LRRC7: variants seen among roughly 807,000 people sequenced by gnomAD.
LRRC7 encodes the protein leucine-rich repeat-containing protein 7.
Under a neutral mutation model 175.7 loss-of-function variants are expected in LRRC7, and 23 were observed. The ratio of observed to expected loss-of-function variants is 0.13; its 90% CI spans 0.09 to 0.19. The LOEUF is 0.19. Among genes scored for constraint, LRRC7 ranks in the 10% least tolerant of loss-of-function variants. The probability of loss-of-function intolerance (pLI) is 1.00; values close to 1 mark genes in which losing one functional copy is unlikely to be tolerated. For missense variants in LRRC7, 1,354 were observed against 1,904.7 expected, an observed-to-expected ratio of 0.71 and a Z score of 5.38; for synonymous variants, 685 against 680.9, an observed-to-expected ratio of 1.01 and a Z score of -0.09.
At chr1:69,614,467 A>G (rs531674313) in intron 1 of LRRC7, among the ~76,000 whole-genome samples, 2 of 152,072 alleles carry the variant, frequency 1.3e-5, no homozygotes, top group South Asian at 2.1e-4. Flanking sequence ...ACTGAATGCA[A>G]ATCAGCTGGG....
At chr1:69,658,210 A>G (rs889488664) in intron 1 of LRRC7, among the ~76,000 whole-genome samples, 5 of 151,926 alleles carry the variant, frequency 3.3e-5, no homozygotes, top group Non-Finnish European at 5.9e-5. Context: ...TGGCATTTCT[A>G]AGCTCCATTA....
At chr1:69,700,667 A>C (rs1570415691) in intron 2 of LRRC7, among the ~76,000 whole-genome samples, 1 of 152,340 alleles carries the variant, frequency 6.6e-6, no homozygotes, top group East Asian at 1.9e-4. Context: ...AGTCAAGCCA[A>C]GGGGGAAGAG....
Position 69,863,436 on chromosome 1 carries a change from T to C in LRRC7, c.647+25153T>C, listed in dbSNP as rs573910818. Among the ~76,000 whole-genome samples the C allele has an allele frequency of 3.9e-5, 6 of 152,346 alleles. No individual in the cohort carries two copies. In the South Asian group the frequency reaches 8.3e-4, roughly 21 times the overall value. On this transcript the variant is annotated intron_variant, in intron 7 of 26. Coordinates refer to ENST00000651989, the MANE Select transcript of LRRC7 (RefSeq NM_001370785.2). ...CCTAGCTTGTTTATCTCTGTATCCT[T>C]ATTGCCTAGTATTCTGCCCAGTGCA...
chr1:69,591,713 TG>T (rs1310783185), intron 1 of LRRC7, among the ~76,000 whole-genome samples: 1 of 152,010 alleles, frequency 6.6e-6, no homozygotes, highest in Non-Finnish European at 1.5e-5. Context: ...GATGATCAGG[TG>T]AGTACTTACC....
At position 70,038,619 on chromosome 1, in the gene LRRC7, G is replaced by T; in HGVS notation, c.2795G>T (p.Trp932Leu). ...IPSPFSPGVP[W>L]EYHDSNPNRS... is the part of the protein sequence containing the mutation. ...AGTCCTTTTTCTCCAGGCGTACCATGGGAGTATCATGATTCCAATCCCAAC... is the reference window on the plus strand; with the variant it reads ...AGTCCTTTTTCTCCAGGCGTACCATTGGAGTATCATGATTCCAATCCCAAC... The change falls in exon 21 of 27, where the codon TGG becomes TTG. Residue 932 changes from tryptophan (W) to leucine (L), a missense_variant. Physicochemically the swap from Trp to Leu is moderately conservative, Grantham distance 61 (BLOSUM62 -2). Transcript: ENST00000651989. The T allele has an allele frequency of 6.2e-7, 1 of 1,614,102 alleles. No individual in the cohort carries two copies. The highest frequency in any genetic ancestry group is 8.5e-7 in the Non-Finnish European group (1 of 1,179,998).
intron 23 of LRRC7, among the ~76,000 whole-genome samples, chr1:70,062,856 G>A (rs1661688432): frequency 6.6e-6 from 1 of 151,400 alleles, no homozygotes; most frequent in African/African-American, 2.4e-5. Context: ...TATTTCTATT[G>A]TTATTAGATT....
chr1:70,046,380 C>T (rs559746639), intron 22 of LRRC7, among the ~76,000 whole-genome samples: 16 of 152,100 alleles, frequency 1.1e-4, no homozygotes, highest in Non-Finnish European at 1.2e-4. Context: ...TTTCAATAGT[C>T]CTCAGTTGAG....
At chr1:69,922,551 T>C (rs1399764432) in intron 7 of LRRC7, among the ~76,000 whole-genome samples, 1 of 152,150 alleles carries the variant, frequency 6.6e-6, no homozygotes, top group Admixed American at 6.5e-5. Flanking sequence ...ACCTTAAACT[T>C]GGGAGAAAAT....
rs1380455195 is a variant in LRRC7 at position 70,132,045 on chromosome 1, A to C, written c.*10158A>C. On this transcript the variant is annotated 3_prime_UTR_variant, in exon 27 of 27. Coordinates refer to ENST00000651989, the MANE Select transcript of LRRC7 (RefSeq NM_001370785.2). ...AAGGAAGAAAGAATGAGAAAGACAAAAGAAGGGCAATAGAGGACTGATACA... is the reference window on the plus strand; with the variant it reads ...AAGGAAGAAAGAATGAGAAAGACAACAGAAGGGCAATAGAGGACTGATACA... Among the ~76,000 whole-genome samples, 1 of 152,098 alleles carries C rather than the reference A, an allele frequency of 6.6e-6. No homozygotes were observed. The highest frequency in any genetic ancestry group is 6.5e-5 in the Admixed American group (1 of 15,274).
intron 4 of LRRC7, among the ~76,000 whole-genome samples, chr1:69,796,762 C>A (rs554793787): frequency 3.3e-4 from 50 of 152,024 alleles, no homozygotes; most frequent in South Asian, 8.3e-4. Context: ...CCATTGCACT[C>A]CAGCCTGGGC....
chr1:69,954,523 A>T (rs894870520), intron 8 of LRRC7, among the ~76,000 whole-genome samples: 3 of 152,196 alleles, frequency 2.0e-5, no homozygotes, highest in African/African-American at 4.8e-5. Flanking sequence ...TTGCCCAAGC[A>T]TCTGTTCACA....
At chr1:69,595,425 CAAAA>C (rs1183819620) in intron 1 of LRRC7, among the ~76,000 whole-genome samples, 4 of 152,010 alleles carry the variant, frequency 2.6e-5, no homozygotes, top group Non-Finnish European at 5.9e-5. Flanking sequence ...AAAAAACAAA[CAAAA>C]AACAAACAAA....
chr1:69,967,775 A>G (rs1051608972), intron 8 of LRRC7, among the ~76,000 whole-genome samples: 11 of 152,072 alleles, frequency 7.2e-5, no homozygotes, highest in Admixed American at 7.2e-4. Context: ...TCAAGGAAAC[A>G]CCCATGGGTA....
chr1:69,929,234 T>C (rs936847203), intron 7 of LRRC7, among the ~76,000 whole-genome samples: 2 of 152,232 alleles, frequency 1.3e-5, no homozygotes, highest in African/African-American at 4.8e-5. Flanking sequence ...AAGCCATCTC[T>C]ATGCTACCAT....
chr1:69,584,754 G>C (rs1376331702), intron 1 of LRRC7, among the ~76,000 whole-genome samples: 1 of 152,016 alleles, frequency 6.6e-6, no homozygotes, highest in African/African-American at 2.4e-5. Flanking sequence ...TTCTTATGAG[G>C]CATAGGAAAA....
chr1:69,669,588 C>T (rs1338108655), intron 1 of LRRC7, among the ~76,000 whole-genome samples: 1 of 152,114 alleles, frequency 6.6e-6, no homozygotes, highest in African/African-American at 2.4e-5. Context: ...TTCTAACCTT[C>T]TCATACTTGG....
At chr1:69,938,815 C>A (rs1467475771) in intron 8 of LRRC7, among the ~76,000 whole-genome samples, 1 of 151,550 alleles carries the variant, frequency 6.6e-6, no homozygotes, top group African/African-American at 2.4e-5. Flanking sequence ...AGGTTTGCCA[C>A]ACCTACTAAT....
At chr1:69,942,136 T>C (rs1182557392) in intron 8 of LRRC7, among the ~76,000 whole-genome samples, 1 of 152,126 alleles carries the variant, frequency 6.6e-6, no homozygotes, top group African/African-American at 2.4e-5. Flanking sequence ...CAGTGGGCAG[T>C]AGGAGGATTT....
intron 1 of LRRC7, among the ~76,000 whole-genome samples, chr1:69,660,326 G>A (rs138605265): frequency 6.6e-6 from 1 of 152,120 alleles, no homozygotes; most frequent in Non-Finnish European, 1.5e-5. Flanking sequence ...AGGAAAAATA[G>A]ACAAATTAAC....
Sources: allele counts gnomAD v4.1 joint callset (sites outside exome capture counted in the v4.1 genomes callset), GRCh38; gene constraint gnomAD v4.1.1; transcripts MANE v1.5; gene names NCBI Gene and HGNC (gene_info 2026-07-23, HGNC 2026-07-21).